CLCN1: variants seen among roughly 807,000 people sequenced by gnomAD.
CLCN1 encodes chloride channel protein 1.
A neutral mutation model predicts 114.5 loss-of-function variants in CLCN1; 100 were observed. The observed-to-expected ratio is 0.87, with a 90% CI of 0.74 to 1.03. The LOEUF (loss-of-function observed/expected upper bound fraction) is 1.03. Among genes scored for constraint, CLCN1 ranks in the 50% least tolerant of loss-of-function variants. The probability of loss-of-function intolerance (pLI) is 0.00; values close to 1 mark genes in which losing one functional copy is unlikely to be tolerated. For missense variants in CLCN1, 1,188 were observed against 1,250.0 expected (o/e 0.95, Z 0.75); for synonymous variants, 485 against 487.1 (o/e 1.00, Z 0.06).
intron 1 of CLCN1, among the ~76,000 whole-genome samples, chr7:143,318,935 C>G (rs901645236): frequency 6.6e-6 from 1 of 152,204 alleles, no homozygotes; most frequent in Non-Finnish European, 1.5e-5. Context: ...TACTCAGGCT[C>G]TCCCAGAATC....
chr7:143,328,572 G>A (rs1802637894), intron 7 of CLCN1, among the ~76,000 whole-genome samples: 1 of 152,082 alleles, frequency 6.6e-6, no homozygotes, highest in African/African-American at 2.4e-5. Flanking sequence ...ACCTAGCCCA[G>A]GATTTCAAAA....
At chr7:143,328,997 T>TTGCTC (rs1802651536) in intron 7 of CLCN1, among the ~76,000 whole-genome samples, 1 of 151,264 alleles carries the variant, frequency 6.6e-6, no homozygotes, top group South Asian at 2.1e-4. Flanking sequence ...AGATGGAGTC[T>TTGCTC]TGCTCTGTCA....
intron 12 of CLCN1, among the ~76,000 whole-genome samples, chr7:143,334,893 C>T (rs1802831532): frequency 6.6e-6 from 1 of 152,182 alleles, no homozygotes; most frequent in South Asian, 2.1e-4. Flanking sequence ...GATTTTTAGA[C>T]TTTCATTATA....
chr7:143,317,870 C>T (rs973210632), intron 1 of CLCN1, among the ~76,000 whole-genome samples: 2 of 152,040 alleles, frequency 1.3e-5, no homozygotes, highest in Non-Finnish European at 2.9e-5. Flanking sequence ...GACCCCTCCC[C>T]CTGGCCCTGT....
At position 143,321,034 on chromosome 7, in the gene CLCN1, A is replaced by G. The variant is rs1224472116; in HGVS notation, c.433+239A>G. ...GGATGCCCCTCTAATAGGGTGGCCA[A>G]CTTGCCCCAGTTCCCCAGGGACTTT... On this transcript the variant is annotated intron_variant, in intron 3 of 22. Coordinates refer to ENST00000343257, the MANE Select transcript of CLCN1 (RefSeq NM_000083.3). The surrounding 1 kb of genome is among the most constrained non-coding windows in gnomAD (Gnocchi z 4.2). Among the ~76,000 whole-genome samples the G allele has an allele frequency of 6.6e-6, 1 of 152,134 alleles. No individual in the cohort carries two copies. The highest frequency in any genetic ancestry group is 1.5e-5 in the Non-Finnish European group (1 of 68,022).
In CLCN1 at chr7:143,351,660, C is replaced by T. The variant is rs781320829; in HGVS notation, c.2662C>T (p.Arg888Trp). 18 of 1,614,080 alleles carry T rather than the reference C, an allele frequency of 1.1e-5. No individual in the cohort carries two copies. The highest frequency in any genetic ancestry group is 6.7e-5 in the African/African-American group (5 of 74,924). The change falls in exon 23 of 23, where the codon CGG becomes TGG. Residue 888 changes from arginine to tryptophan, a missense_variant. Transcript: ENST00000343257. Reference protein sequence around the residue: ...VQLRPPLASFRNTTSTRKSTG... With the variant: ...VQLRPPLASFWNTTSTRKSTG... The stretch of plus-strand genomic sequence containing the variant: ...GCTCCGCCCTCCCCTTGCCAGCTTC[C>T]GGAACACGACTTCAACTCGAAAGAG...
chr7:143,320,567 C>T (rs1259553994), intron 2 of CLCN1, 97 bp from the exon 3 acceptor site: 1 of 738,834 alleles, frequency 1.4e-6, no homozygotes, highest in Non-Finnish European at 2.2e-6. Flanking sequence ...CTCTCTCTCT[C>T]TCTCTCTCTC....
chr7:143,332,946 G>C, intron 12 of CLCN1, 73 bp downstream of exon 12: 2 of 1,469,796 alleles, frequency 1.4e-6, no homozygotes, highest in Non-Finnish European at 9.5e-7. Flanking sequence ...GTTTGCATAG[G>C]GTAGGAAGGG....
In CLCN1 at chr7:143,331,312, A is replaced by G. The variant is rs563864511; in HGVS notation, c.1060A>G (p.Ile354Val). ...DLKELPAFAA[I>V]GICCGLLGAV... ...GAAGGAACTACCAGCTTTTGCTGCC[A>G]TCGGGTCAGTGGGGTTACCTGCTCT... Residue 354 changes from isoleucine (I) to valine (V), a missense_variant, in exon 9 of 23, where the codon ATC becomes GTC. Physicochemically the swap from Ile to Val is conservative, Grantham distance 29. Transcript: ENST00000343257. 6.8e-6 allele frequency: 11 copies of G among 1,608,984 alleles called. No homozygotes were observed. The East Asian group carries it at 2.2e-4, about 33-fold the overall frequency.
At chr7:143,342,651 C>A in intron 16 of CLCN1, 146 bp downstream of exon 16, 1 of 810,498 alleles carries the variant, frequency 1.2e-6, no homozygotes, top group African/African-American at 1.7e-5. Context: ...AGCCATAACA[C>A]AAGCACACAA....
Position 143,321,307 on chromosome 7 carries a change from G to A in CLCN1, c.434-58G>A. 6.2e-7 allele frequency: 1 copy of A among 1,605,910 alleles called. No homozygotes were observed. The highest frequency in any genetic ancestry group is 8.5e-7 in the Non-Finnish European group (1 of 1,175,394). On this transcript the variant is annotated intron_variant, in intron 3 of 22. Transcript: ENST00000343257. This position sits in a 1 kb window ranked among gnomAD's most constrained non-coding sequence, Gnocchi z 4.2. ...GAACATGCCGGGTACACGTCCTGGTGCCGTGGACACGGCTGCTCAGCCATG... is the reference window on the plus strand; with the variant it reads ...GAACATGCCGGGTACACGTCCTGGTACCGTGGACACGGCTGCTCAGCCATG...
At chr7:143,322,838 G>T (rs1185402510) in intron 5 of CLCN1, among the ~76,000 whole-genome samples, 2 of 152,218 alleles carry the variant, frequency 1.3e-5, no homozygotes, top group East Asian at 1.9e-4. Flanking sequence ...AACTTCTTGC[G>T]TGGCCTTCGA....
chr7:143,343,119 T>C (rs1245583746), intron 16 of CLCN1, among the ~76,000 whole-genome samples: 1 of 152,180 alleles, frequency 6.6e-6, no homozygotes, highest in Non-Finnish European at 1.5e-5. Flanking sequence ...TGTATGTGTG[T>C]TTCTGGTAAA....
Position 143,321,476 on chromosome 7 carries a change from T to A in CLCN1, c.545T>A (p.Ile182Asn). 1 of 1,614,018 alleles carries A rather than the reference T, an allele frequency of 6.2e-7. No homozygotes were observed. Among genetic ancestry groups the A allele is most frequent in the Non-Finnish European group, 8.5e-7 (1 of 1,180,004 alleles). The change falls in exon 4 of 23, where the codon ATC (isoleucine) becomes AAC (asparagine). Residue 182 changes from isoleucine to asparagine, a missense_variant. Ile to Asn is a moderately radical substitution (Grantham distance 149). Transcript: ENST00000343257. The surrounding 1 kb of genome is among the most constrained non-coding windows in gnomAD (Gnocchi z 4.2). ...ILFSALFCHL[I>N]SPQAVGSGIP... is the part of the protein sequence containing the mutation. ...TTCAGCGCCCTCTTCTGCCACCTCA[T>A]CTCTCCCCAGGCTGTTGGTGAGAAC...
At position 143,321,475 on chromosome 7, in the gene CLCN1, A is replaced by C; in HGVS notation, c.544A>C (p.Ile182Leu). 6.2e-7 allele frequency: 1 copy of C among 1,613,520 alleles called. No individual in the cohort carries two copies. Residue 182 changes from isoleucine to leucine, a missense_variant, in exon 4 of 23, where the codon ATC becomes CTC. Transcript: ENST00000343257. This position sits in a 1 kb window ranked among gnomAD's most constrained non-coding sequence, Gnocchi z 4.2. Reference protein sequence around the residue: ...ILFSALFCHLISPQAVGSGIP... With the variant: ...ILFSALFCHLLSPQAVGSGIP... ...CTTCAGCGCCCTCTTCTGCCACCTCATCTCTCCCCAGGCTGTTGGTGAGAA... is the reference window on the plus strand; with the variant it reads ...CTTCAGCGCCCTCTTCTGCCACCTCCTCTCTCCCCAGGCTGTTGGTGAGAA...
At position 143,350,227 on chromosome 7, in the gene CLCN1, C is replaced by T; in HGVS notation, c.2404-145C>T. 1 of 710,700 alleles carries T rather than the reference C, an allele frequency of 1.4e-6. No individual in the cohort carries two copies. The highest frequency in any genetic ancestry group is 2.6e-6 in the Non-Finnish European group (1 of 391,364). The allele number at this position is 710,700 out of a possible 1,614,324, so 44.0% of individuals were successfully genotyped here. On this transcript the variant is annotated intron_variant, in intron 20 of 22. Coordinates refer to ENST00000343257, the MANE Select transcript of CLCN1 (RefSeq NM_000083.3). The surrounding 1 kb of genome is among the most constrained non-coding windows in gnomAD (Gnocchi z 5.1). ...TGTCCCCTGGGAAGAAGGAGGAGGTCCTCTGATCTGGGGGATCTATGATCA... is the reference window on the plus strand; with the variant it reads ...TGTCCCCTGGGAAGAAGGAGGAGGTTCTCTGATCTGGGGGATCTATGATCA...
chr7:143,346,180 C>G lies in CLCN1; in HGVS notation c.2213C>G (p.Pro738Arg). ...GCTCTCCACCCCTCTACTACTGCCC[C>G]TCTGTCCCCAGAAGAGCCCAATGGG... ...SLALHPSTTAPLSPEEPNGPL... is the reference protein window; with the variant it reads ...SLALHPSTTARLSPEEPNGPL... The change falls in exon 18 of 23, where the codon CCT becomes CGT. Residue 738 changes from proline to arginine, a missense_variant. By Grantham distance (103) the Pro-to-Arg change is moderately radical (BLOSUM62 -2). Transcript: ENST00000343257. 6.2e-7 allele frequency: 1 copy of G among 1,613,692 alleles called. No individual in the cohort carries two copies. The highest frequency in any genetic ancestry group is 8.5e-7 in the Non-Finnish European group (1 of 1,179,666).
In CLCN1 at chr7:143,342,498, C is replaced by T. The variant is rs1270836789; in HGVS notation, c.1923C>T (p.Asp641=). 2 of 1,613,982 alleles carry T rather than the reference C, an allele frequency of 1.2e-6. No homozygotes were observed. The highest frequency in any genetic ancestry group is 1.7e-6 in the Non-Finnish European group (2 of 1,180,022). Reference sequence around the variant, plus strand: ...CAGTCAAGACTTTACCACTGGTTGACTCAAAAGGTCAGTGGGGAGGAAGAA... The same window carrying T: ...CAGTCAAGACTTTACCACTGGTTGATTCAAAAGGTCAGTGGGGAGGAAGAA... The part of the protein sequence containing the change: ...TTTVKTLPLV[D]SKDSMILLGS... The change falls in exon 16 of 23, where the codon GAC becomes GAT. Residue 641 remains aspartate (D), a synonymous_variant. Transcript: ENST00000343257.
chr7:143,317,216 A>G (rs1192655283), intron 1 of CLCN1, among the ~76,000 whole-genome samples: 3 of 151,484 alleles, frequency 2.0e-5, no homozygotes, highest in African/African-American at 7.3e-5. Flanking sequence ...CAGAGGATAG[A>G]ATTTGTCTAG....
Sources: allele counts gnomAD v4.1 joint callset (sites outside exome capture counted in the v4.1 genomes callset), GRCh38; gene constraint gnomAD v4.1.1; non-coding constraint Gnocchi (gnomAD v3.1); transcripts MANE v1.5; gene names NCBI Gene and HGNC (gene_info 2026-07-23, HGNC 2026-07-21).